The following PZP variants were observed in gnomAD, a reference collection of about 807,000 sequenced individuals.
PZP encodes PZP alpha-2-macroglobulin like.
PZP carries 150 observed loss-of-function variants against 179.8 expected under a neutral mutation model. That is an observed-to-expected ratio of 0.83 (90% CI 0.73 to 0.96). The LOEUF is 0.96. Ranked by LOEUF, PZP falls within the 40% of genes least tolerant of loss-of-function variation. The probability of loss-of-function intolerance (pLI) is 0.00; values close to 1 mark genes in which losing one functional copy is unlikely to be tolerated. For synonymous variants in PZP, 624 were observed against 652.3 expected (o/e 0.96, Z 0.66); for missense variants, 1,689 against 1,764.0 (o/e 0.96, Z 0.76).
chr12:9,161,802 A>G (rs1386876954), intron 22 of PZP, among the ~76,000 whole-genome samples: 1 of 152,230 alleles, frequency 6.6e-6, no homozygotes, highest in African/African-American at 2.4e-5. Context: ...TCTTAATGAT[A>G]TGATGAACTT....
At chr12:9,194,003 T>C (rs1592544847) in intron 11 of PZP, 74 bp downstream of exon 11, 4 of 1,330,214 alleles carry the variant, frequency 3.0e-6, no homozygotes, top group Non-Finnish European at 4.1e-6. Context: ...AAATGCAATC[T>C]GTACATTTCT....
intron 35 of PZP, 102 bp downstream of exon 35, chr12:9,149,459 G>A (rs182471716): frequency 8.4e-7 from 1 of 1,191,758 alleles, no homozygotes; most frequent in Admixed American, 2.2e-5. Context: ...CATGTGGATT[G>A]TCTCAGATGT....
chr12:9,146,295 T>A (rs985564616), downstream of PZP, among the ~76,000 whole-genome samples: 10 of 151,926 alleles, frequency 6.6e-5, no homozygotes, highest in African/African-American at 2.4e-4. Flanking sequence ...TTCTGCTTTA[T>A]CTAGTTTGCT....
At chr12:9,187,039 C>G (rs1943167767) in intron 13 of PZP, among the ~76,000 whole-genome samples, 1 of 135,734 alleles carries the variant, frequency 7.4e-6, no homozygotes, top group Non-Finnish European at 1.6e-5. Flanking sequence ...GGTTGCAATA[C>G]TAATTTCAGA....
intron 27 of PZP, 30 bp downstream of exon 27, chr12:9,157,737 G>T: frequency 1.9e-6 from 3 of 1,585,310 alleles, no homozygotes; most frequent in Non-Finnish European, 2.6e-6. Flanking sequence ...CAGTTTTCAT[G>T]GTAGGGAATG....
chr12:9,197,603 ATATATAT>A (rs1354178284), intron 7 of PZP, among the ~76,000 whole-genome samples: 11 of 102,460 alleles, frequency 1.1e-4, no homozygotes, highest in African/African-American at 3.6e-4. Context: ...TATAAATATA[ATATATAT>A]TATATATTTA....
chr12:9,175,202 C>T (rs745598483), intron 15 of PZP, among the ~76,000 whole-genome samples: 3 of 152,144 alleles, frequency 2.0e-5, no homozygotes, highest in Non-Finnish European at 4.4e-5. Flanking sequence ...CAAAAACAAG[C>T]AATGGAGGAA....
chr12:9,153,036 T>C, intron 30 of PZP, 85 bp from the exon 31 acceptor site: 1 of 1,605,222 alleles, frequency 6.2e-7, no homozygotes, highest in Non-Finnish European at 8.5e-7. Flanking sequence ...AGAGGTGCCT[T>C]TTACTTTCCC....
chr12:9,158,679 G>T, intron 25 of PZP, 103 bp from the exon 26 acceptor site: 1 of 1,137,286 alleles, frequency 8.8e-7, no homozygotes, highest in Non-Finnish European at 1.2e-6. Context: ...ACCCAAGAAA[G>T]TCAATCAGCT....
At chr12:9,163,903 G>T in intron 20 of PZP, 114 bp from the exon 21 acceptor site, 2 of 1,350,482 alleles carry the variant, frequency 1.5e-6, no homozygotes, top group East Asian at 2.3e-5. Context: ...TAAAAAAAAA[G>T]AAACCCACAA....
chr12:9,162,379 A>C (rs1941271711), intron 22 of PZP: 2 of 500,990 alleles, frequency 4.0e-6, no homozygotes, highest in Non-Finnish European at 7.0e-6. Context: ...AAGAAAGCCC[A>C]GGTATTAGTC....
Position 9,192,451 on chromosome 12 carries a change from C to A in PZP, c.1482+61G>T. On this transcript the variant is annotated intron_variant, in intron 12 of 35. Transcript: ENST00000261336. Reference sequence around the variant, plus strand: ...AGTAGTTTATTTTGACATTCCTGAGCCTATTGACCACTTTTGTCCTACTGA... The same window carrying A: ...AGTAGTTTATTTTGACATTCCTGAGACTATTGACCACTTTTGTCCTACTGA... 2.0e-6 allele frequency: 3 copies of A among 1,473,956 alleles called. No individual in the cohort carries two copies. The South Asian group carries it at 3.5e-5, about 17-fold the overall frequency. 91.3% of individuals were successfully genotyped at this position (1,473,956 alleles called of 1,614,324 possible).
chr12:9,158,364 C>G lies in PZP; in HGVS notation c.3294+56G>C, dbSNP rs776762600. ...CTTGTGCCTCCTTCCTCCCTTCACC[C>G]CTGGGGGATGTTATGTTGATGTGTG... On this transcript the variant is annotated intron_variant, in intron 26 of 35. Transcript: ENST00000261336. 2.9e-5 allele frequency: 47 copies of G among 1,598,414 alleles called. No homozygotes were observed. In the East Asian group the frequency reaches 8.1e-4, roughly 27 times the overall value.
chr12:9,187,519 G>GA (rs1943200814), intron 13 of PZP, among the ~76,000 whole-genome samples: 1 of 152,100 alleles, frequency 6.6e-6, no homozygotes. Context: ...AATTCAATAA[G>GA]AAGAAAATCA....
At chr12:9,162,488 T>C (rs1468850501) in intron 22 of PZP, 109 bp downstream of exon 22, 2 of 800,758 alleles carry the variant, frequency 2.5e-6, no homozygotes, top group Non-Finnish European at 2.1e-6. Context: ...ATGCTGACTT[T>C]CATGGAACAC....
intron 7 of PZP, among the ~76,000 whole-genome samples, chr12:9,197,602 AAT>A (rs1311868323): frequency 4.8e-5 from 5 of 104,772 alleles, no homozygotes; most frequent in Non-Finnish European, 6.9e-5. Context: ...ATATAAATAT[AAT>A]ATATATTATA....
chr12:9,152,886 A>T lies in PZP; in HGVS notation c.4059T>A (p.Thr1353=). The T allele has an allele frequency of 6.2e-7, 1 of 1,614,190 alleles. No homozygotes were observed. The highest frequency in any genetic ancestry group is 8.5e-7 in the Non-Finnish European group (1 of 1,180,014). ...EDSPFALKVQ[T]VPQTCDGHKA... ...TGTGTCCATCGCAAGTTTGGGGCAC[A>T]GTCTGCACTTTTAAAGCAAATGGGG... The change falls in exon 31 of 36, where the codon ACT becomes ACA. Residue 1353 remains threonine, a synonymous_variant. Transcript: ENST00000261336.
downstream of PZP, among the ~76,000 whole-genome samples, chr12:9,148,338 A>G (rs1940117344): frequency 6.6e-6 from 1 of 152,086 alleles, no homozygotes; most frequent in African/African-American, 2.4e-5. Context: ...CTCCCCTTTT[A>G]TTCTTTGAAG....
the PZP span, among the ~76,000 whole-genome samples, chr12:9,140,028 G>A: frequency 6.6e-6 from 1 of 152,198 alleles, no homozygotes; most frequent in African/African-American, 2.4e-5. Context: ...CGGAGAGGAG[G>A]TTATCTTGGG....
Sources: allele counts gnomAD v4.1 joint callset (sites outside exome capture counted in the v4.1 genomes callset), GRCh38; gene constraint gnomAD v4.1.1; transcripts MANE v1.5; gene names NCBI Gene and HGNC (gene_info 2026-07-23, HGNC 2026-07-21).